RCAN1: variants seen among roughly 807,000 people sequenced by gnomAD.
RCAN1 encodes the protein regulator of calcineurin 1.
In RCAN1, 11 loss-of-function variants were observed where a neutral mutation model predicts 22.9. The observed-to-expected ratio is 0.48, with a 90% CI of 0.30 to 0.79. The LOEUF is 0.79. Ranked by LOEUF, RCAN1 falls within the 30% of genes least tolerant of loss-of-function variation. RCAN1 has a pLI of 0.06. For missense variants in RCAN1, 291 were observed against 337.8 expected (o/e 0.86, Z 1.09); for synonymous variants, 136 against 142.3 (o/e 0.96, Z 0.32).
At chr21:34,519,483 C>T (rs1287010192) in intron 3 of RCAN1, among the ~76,000 whole-genome samples, 2 of 148,392 alleles carry the variant, frequency 1.3e-5, no homozygotes, top group East Asian at 3.9e-4. Context: ...AGTGCAACCT[C>T]CGCCTCCCAG....
In RCAN1 at chr21:34,610,411, G is replaced by A. The variant is rs137992979; in HGVS notation, c.252+4349C>T. Among the ~76,000 whole-genome samples, 377 of 152,206 alleles carry A rather than the reference G, an allele frequency of 2.5e-3. 2 individuals are homozygous for A. Among genetic ancestry groups the A allele is most frequent in the African/African-American group, 8.8e-3 (366 of 41,518 alleles). On this transcript the variant is annotated intron_variant, in intron 1 of 3. Transcript: ENST00000313806. The stretch of plus-strand genomic sequence containing the variant: ...AAATGCCCCATCTCCTGGTCTGTGG[G>A]CACCAGTGACCCCGCCTGTAGGCCA...
chr21:34,567,554 C>CAA (rs1163824625), intron 1 of RCAN1, among the ~76,000 whole-genome samples: 2,340 of 70,218 alleles, frequency 0.033, 66 homozygotes, highest in East Asian at 0.19. Context: ...GACTCCATCT[C>CAA]AAAAAAAAAA....
In RCAN1 at chr21:34,518,317, C is replaced by A; in HGVS notation, c.587-61G>T. 1 of 1,562,216 alleles carries A rather than the reference C, an allele frequency of 6.4e-7. No homozygotes were observed. Among genetic ancestry groups the A allele is most frequent in the Non-Finnish European group, 8.7e-7 (1 of 1,147,168 alleles). ...AAGTCCTTGGGAGTCAAAAGGCAAA[C>A]ATAAAAGAGCATTCAGGGCTCTGCT... On this transcript the variant is annotated intron_variant, in intron 3 of 3. Transcript: ENST00000313806. The surrounding 1 kb of genome is among the most constrained non-coding windows in gnomAD (Gnocchi z 4.2).
chr21:34,565,477 G>C (rs1257081831), intron 1 of RCAN1, among the ~76,000 whole-genome samples: 3 of 152,128 alleles, frequency 2.0e-5, no homozygotes, highest in African/African-American at 7.2e-5. Flanking sequence ...CTCAAATGGG[G>C]GCTACTGCTC....
In RCAN1 at chr21:34,600,346, C is replaced by T. The variant is rs369051450; in HGVS notation, c.252+14414G>A. ...GATTTTGCTCTCTTAAGGTAAGATACGGCAAAGAATGACCAGCCACCTCCT... is the reference window on the plus strand; with the variant it reads ...GATTTTGCTCTCTTAAGGTAAGATATGGCAAAGAATGACCAGCCACCTCCT... On this transcript the variant is annotated intron_variant, in intron 1 of 3. Transcript: ENST00000313806. Among the ~76,000 whole-genome samples, 27 of 152,236 alleles carry T rather than the reference C, an allele frequency of 1.8e-4. No homozygotes were observed. In the East Asian group the frequency reaches 4.6e-3, roughly 26 times the overall value.
chr21:34,602,459 C>G (rs538671020), intron 1 of RCAN1, among the ~76,000 whole-genome samples: 1 of 152,358 alleles, frequency 6.6e-6, no homozygotes, highest in East Asian at 1.9e-4. Context: ...CCCTGAATCA[C>G]TTTCCAAACA....
chr21:34,563,508 C>T (rs571368477), intron 1 of RCAN1, among the ~76,000 whole-genome samples: 14 of 151,886 alleles, frequency 9.2e-5, no homozygotes, highest in Non-Finnish European at 1.8e-4. Context: ...TTTATCAGCA[C>T]CAAGGGCAGG....
rs151201140 is a variant in RCAN1 at position 34,551,791 on chromosome 21, TA to T, written c.253-28082del. On this transcript the variant is annotated intron_variant, in intron 1 of 3. Coordinates refer to ENST00000313806, the MANE Select transcript of RCAN1 (RefSeq NM_004414.7). ...GGAGGATGAAGACAAGTGGGCTGTG[TA>T]AAAAAAAAATCTTAGAATGAAGACT... Among the ~76,000 whole-genome samples the T allele has an allele frequency of 2.1e-4, 32 of 150,496 alleles. 1 individual carries two copies. Among genetic ancestry groups the T allele is most frequent in the African/African-American group, 2.7e-4 (11 of 41,024 alleles).
chr21:34,588,451 T>C (rs1430833783), intron 1 of RCAN1, among the ~76,000 whole-genome samples: 1 of 152,266 alleles, frequency 6.6e-6, no homozygotes, highest in Non-Finnish European at 1.5e-5. Flanking sequence ...ATGTATGTTA[T>C]ACTTCAATTA....
At chr21:34,536,077 C>T (rs1985658800) in intron 1 of RCAN1, among the ~76,000 whole-genome samples, 1 of 151,980 alleles carries the variant, frequency 6.6e-6, no homozygotes, top group Non-Finnish European at 1.5e-5. Flanking sequence ...TCCGTATTGC[C>T]TCAATCTTTC....
Position 34,614,762 on chromosome 21 carries a change from G to A in RCAN1, c.250C>T (p.Arg84Trp). Residue 84 changes from arginine to tryptophan, a missense_variant and splice_region_variant, in exon 1 of 4, where the codon CGG (arginine) becomes TGG (tryptophan). By Grantham distance (101) the Arg-to-Trp change is moderately radical. Transcript: ENST00000313806. The surrounding 1 kb of genome is among the most constrained non-coding windows in gnomAD (Gnocchi z 6.0). ...GGCCCGCCCGGCGCGGTCCTCACCC[G>A]GCACAGGCCGTCCACGAACACGCGC... ...DPRVFVDGLC[R>W]AKFESLFRTY... 1.4e-6 allele frequency: 2 copies of A among 1,440,460 alleles called. No homozygotes were observed. Among genetic ancestry groups the A allele is most frequent in the Non-Finnish European group, 1.8e-6 (2 of 1,091,984 alleles). 89.2% of individuals were successfully genotyped at this position (1,440,460 alleles called of 1,614,324 possible). A position where few individuals can be genotyped will look rare whatever the true frequency, so the allele number is the denominator to read the frequency against.
chr21:34,526,564 C>A (rs1985068312), intron 1 of RCAN1: 2 of 1,256,580 alleles, frequency 1.6e-6, no homozygotes, highest in African/African-American at 1.6e-5. Context: ...ACCCCCAAAC[C>A]CACAAGAGAG....
chr21:34,548,983 A>G (rs1431463851), intron 1 of RCAN1, among the ~76,000 whole-genome samples: 1 of 152,230 alleles, frequency 6.6e-6, no homozygotes, highest in Non-Finnish European at 1.5e-5. Flanking sequence ...TTGCACGGTC[A>G]GCAAACAGTT....
At chr21:34,524,968 G>A (rs1204454947) in intron 1 of RCAN1, 2 of 1,457,746 alleles carry the variant, frequency 1.4e-6, no homozygotes. Flanking sequence ...CTTTTTACCA[G>A]GCAAAAACAC....
chr21:34,583,223 G>A (rs907430734), intron 1 of RCAN1, among the ~76,000 whole-genome samples: 4 of 147,438 alleles, frequency 2.7e-5, no homozygotes, highest in Non-Finnish European at 5.9e-5. Flanking sequence ...TTGTCGCCCA[G>A]GCTAGAGTGC....
intron 1 of RCAN1, among the ~76,000 whole-genome samples, chr21:34,540,533 C>T (rs1252074445): frequency 2.0e-5 from 3 of 152,206 alleles, no homozygotes; most frequent in Admixed American, 6.5e-5. Flanking sequence ...ATTTACCACA[C>T]TTTAATTGAT....
intron 1 of RCAN1, among the ~76,000 whole-genome samples, chr21:34,542,674 G>A (rs957959166): frequency 6.6e-6 from 1 of 152,236 alleles, no homozygotes; most frequent in African/African-American, 2.4e-5. Context: ...TGGGTGGCTT[G>A]TTGTGCAGCA....
chr21:34,519,667 G>A (rs889239540), intron 3 of RCAN1, among the ~76,000 whole-genome samples: 7 of 152,022 alleles, frequency 4.6e-5, no homozygotes, highest in African/African-American at 1.7e-4. Context: ...AAAGTGCTGG[G>A]ATTACAGGCA....
At chr21:34,538,001 T>C (rs1412337317) in intron 1 of RCAN1, among the ~76,000 whole-genome samples, 1 of 152,346 alleles carries the variant, frequency 6.6e-6, no homozygotes, top group African/African-American at 2.4e-5. Context: ...TTGATTCTGC[T>C]CAAACATAAA....
Sources: gnomAD v4.1 joint callset for allele counts (sites outside exome capture counted in the v4.1 genomes callset) on GRCh38, gnomAD v4.1.1 for gene constraint, Gnocchi (gnomAD v3.1) non-coding constraint, MANE v1.5 for transcripts, NCBI Gene and HGNC (gene_info 2026-07-23, HGNC 2026-07-21) for gene names.